Variants in MTMR7 observed in about 807,000 individuals in gnomAD.
The protein encoded by MTMR7 is myotubularin related protein 7.
Under a neutral mutation model 81.2 loss-of-function variants are expected in MTMR7, and 76 were observed. That is an observed-to-expected ratio of 0.94 (90% confidence interval 0.78 to 1.13). The LOEUF (loss-of-function observed/expected upper bound fraction) is 1.13. Ranked by LOEUF, MTMR7 falls within the 50% of genes most tolerant of loss-of-function variation. The pLI, the probability that MTMR7 is intolerant of heterozygous loss-of-function variation, is 0.00. For missense variants in MTMR7, 1,044 were observed against 820.0 expected, an observed-to-expected ratio of 1.27 and a Z score of -3.34; for synonymous variants, 372 against 289.8, an observed-to-expected ratio of 1.28 and a Z score of -2.88.
intron 6 of MTMR7, among the ~76,000 whole-genome samples, chr8:17,340,181 G>A (rs920999694): frequency 6.6e-6 from 1 of 152,194 alleles, no homozygotes; most frequent in African/African-American, 2.4e-5. Flanking sequence ...TCAAACTCCC[G>A]ACCTCAGATG....
intron 4 of MTMR7, among the ~76,000 whole-genome samples, chr8:17,356,963 C>G (rs1730942116): frequency 6.6e-6 from 1 of 152,092 alleles, no homozygotes; most frequent in Non-Finnish European, 1.5e-5. Flanking sequence ...TATATACTCT[C>G]TAGCTCATAA....
At chr8:17,399,587 T>C (rs1197816598) in intron 1 of MTMR7, among the ~76,000 whole-genome samples, 2 of 152,140 alleles carry the variant, frequency 1.3e-5, no homozygotes, top group Non-Finnish European at 2.9e-5. Flanking sequence ...ACAATCCCTA[T>C]CAAAATGCCA....
chr8:17,366,887 A>AAAAAAAAAAACCAAAC (rs1554515170), intron 3 of MTMR7, among the ~76,000 whole-genome samples: 1 of 146,038 alleles, frequency 6.8e-6, no homozygotes, highest in Non-Finnish European at 1.5e-5. Flanking sequence ...CTCCATCTCA[A>AAAAAAAAAAACCAAAC]AAAAAAAAAA....
At chr8:17,309,115 C>T (rs1817647891) in intron 10 of MTMR7, among the ~76,000 whole-genome samples, 162 bp downstream of exon 10, 1 of 152,188 alleles carries the variant, frequency 6.6e-6, no homozygotes, top group Non-Finnish European at 1.5e-5. Flanking sequence ...TCAGTTATAA[C>T]TTCATTTATC....
intron 6 of MTMR7, among the ~76,000 whole-genome samples, chr8:17,336,868 A>C (rs1429737448): frequency 6.6e-6 from 1 of 152,210 alleles, no homozygotes; most frequent in Non-Finnish European, 1.5e-5. Context: ...GCTCTGCTGG[A>C]GAATTTTTGT....
At chr8:17,339,736 G>C (rs1247381434) in intron 6 of MTMR7, among the ~76,000 whole-genome samples, 1 of 152,116 alleles carries the variant, frequency 6.6e-6, no homozygotes, top group African/African-American at 2.4e-5. Context: ...GTGGACATAA[G>C]TTTTCATTTC....
chr8:17,304,648 A>C (rs1308982543), intron 11 of MTMR7, 129 bp from the exon 12 acceptor site: 14 of 890,882 alleles, frequency 1.6e-5, no homozygotes, highest in Non-Finnish European at 2.2e-5. Flanking sequence ...GATAGCAGGT[A>C]AATGTATCAT....
intron 1 of MTMR7, among the ~76,000 whole-genome samples, chr8:17,379,719 C>G (rs140392242): frequency 3.3e-5 from 5 of 152,182 alleles, no homozygotes; most frequent in African/African-American, 1.2e-4. Context: ...TAATCCAACA[C>G]AAGCACTGTT....
Position 17,359,581 on chromosome 8 carries a change from C to G in MTMR7, c.468+1536G>C, listed in dbSNP as rs572423149. ...TGGGTAACAGAGTGAAACCCTGTTT[C>G]CTTAAAAAAAAAAAAAAACCTGAAA... is the stretch of plus-strand genomic sequence containing the variant. On this transcript the variant is annotated intron_variant, in intron 4 of 13. Transcript: ENST00000180173. 2.2e-3 allele frequency among the ~76,000 whole-genome samples: 41 copies of G among 18,434 alleles called. 1 individual carries two copies. The East Asian group carries it at 0.042, about 19-fold the overall frequency. 12.1% of individuals were successfully genotyped at this position (18,434 alleles called of 152,430 possible).
rs116677265 is a variant in MTMR7 at position 17,341,381 on chromosome 8, G to T, written c.714C>A (p.Val238=). 5 of 1,614,032 alleles carry T rather than the reference G, an allele frequency of 3.1e-6. No homozygotes were observed. Among genetic ancestry groups the T allele is most frequent in the Admixed American group, 3.3e-5 (2 of 60,000 alleles). ...CACTTACTTTAGGCCGGGTGTCAAC[G>T]ACATAAACGAAGTCACTTCCTGGAT... ...KANPGSDFVY[V]VDTRPKLNAM... The change falls in exon 6 of 14, where the codon GTC becomes GTA. Residue 238 remains valine (V), a synonymous_variant. Transcript: ENST00000180173.
At chr8:17,403,080 T>C (rs1394580630) in intron 1 of MTMR7, among the ~76,000 whole-genome samples, 1 of 152,228 alleles carries the variant, frequency 6.6e-6, no homozygotes. Flanking sequence ...TTTTGTCTAT[T>C]TTTAAATCAG....
chr8:17,364,033 T>G (rs949102722), intron 3 of MTMR7, among the ~76,000 whole-genome samples: 1 of 136,336 alleles, frequency 7.3e-6, no homozygotes, highest in African/African-American at 2.8e-5. Context: ...TTTTTTTTTT[T>G]TTTTTTTTTT....
intron 1 of MTMR7, among the ~76,000 whole-genome samples, chr8:17,393,784 A>G (rs1821170849): frequency 6.6e-6 from 1 of 152,200 alleles, no homozygotes; most frequent in South Asian, 2.1e-4. Context: ...GATCTGTACA[A>G]CAAACCACTC....
At chr8:17,382,027 T>C (rs531861250) in intron 1 of MTMR7, among the ~76,000 whole-genome samples, 8 of 152,286 alleles carry the variant, frequency 5.3e-5, no homozygotes, top group South Asian at 4.1e-4. Context: ...TGGTACTTCA[T>C]AGACTACCTA....
intron 5 of MTMR7, among the ~76,000 whole-genome samples, chr8:17,348,285 C>T (rs1471935274): frequency 6.6e-6 from 1 of 152,020 alleles, no homozygotes; most frequent in East Asian, 1.9e-4. Flanking sequence ...CGCCTGTAAT[C>T]CCAGCACTTT....
At chr8:17,311,795 G>T in intron 8 of MTMR7, 159 bp from the exon 9 acceptor site, 1 of 1,128,428 alleles carries the variant, frequency 8.9e-7, no homozygotes, top group Non-Finnish European at 1.3e-6. Flanking sequence ...TTAGGGCAGA[G>T]CCAGAGTGGC....
rs138009380 is a variant in MTMR7 at position 17,360,618 on chromosome 8, T to C, written c.468+499A>G. ...GAAGATGGGATTAATTCTGCCACTCTAGCTTCCCTGCCTCTCCATATTCCT... is the reference window on the plus strand; with the variant it reads ...GAAGATGGGATTAATTCTGCCACTCCAGCTTCCCTGCCTCTCCATATTCCT... On this transcript the variant is annotated intron_variant, in intron 4 of 13. Coordinates refer to ENST00000180173, the MANE Select transcript of MTMR7 (RefSeq NM_004686.5). 1.7e-3 allele frequency among the ~76,000 whole-genome samples: 254 copies of C among 152,220 alleles called. 2 individuals carry two copies. Among genetic ancestry groups the C allele is most frequent in the African/African-American group, 5.5e-3 (227 of 41,538 alleles).
rs1821640816 is a variant in MTMR7 at position 17,408,111 on chromosome 8, C to CGACGTGATGAAGGA, written c.24+5157_24+5158insTCCTTCATCACGTC. The stretch of plus-strand genomic sequence containing the variant: ...AATCAGCAAGAACATCATGGAGAGG[C>CGACGTGATGAAGGA]CGGGCGCGGTGGCTCACGCCTGTAA... On this transcript the variant is annotated intron_variant, in intron 1 of 13. Transcript: ENST00000180173. Among the ~76,000 whole-genome samples the CGACGTGATGAAGGA allele has an allele frequency of 4.8e-4, 60 of 123,816 alleles. 8 individuals are homozygous for CGACGTGATGAAGGA. The highest frequency in any genetic ancestry group is 1.1e-3 in the Admixed American group (11 of 10,160). 81.2% of individuals were successfully genotyped at this position (123,816 alleles called of 152,430 possible).
At chr8:17,304,963 T>TA (rs1460059576) in intron 11 of MTMR7, among the ~76,000 whole-genome samples, 1 of 152,074 alleles carries the variant, frequency 6.6e-6, no homozygotes, top group African/African-American at 2.4e-5. Context: ...CTATAGCTAG[T>TA]AAGTGGAAAA....
Sources: allele counts gnomAD v4.1 joint callset (sites outside exome capture counted in the v4.1 genomes callset), GRCh38; gene constraint gnomAD v4.1.1; transcripts MANE v1.5; gene names NCBI Gene and HGNC (gene_info 2026-07-23, HGNC 2026-07-21).